Variants in LRRC37A3 observed in about 807,000 individuals in gnomAD.
LRRC37A3 encodes leucine-rich repeat-containing protein 37A3.
Under a neutral mutation model 106.2 loss-of-function variants are expected in LRRC37A3, and 25 were observed. That is an observed-to-expected ratio of 0.24 (90% CI 0.17 to 0.33). LRRC37A3 has a LOEUF of 0.33. LRRC37A3 is among the 10% of genes least tolerant of loss of function. The pLI, the probability that LRRC37A3 is intolerant of heterozygous loss-of-function variation, is 1.00. For synonymous variants in LRRC37A3, 305 were observed against 635.8 expected, an observed-to-expected ratio of 0.48 and a Z score of 7.83; for missense variants, 712 against 1,644.9, an observed-to-expected ratio of 0.43 and a Z score of 9.81.
rs1972845353 is a variant in LRRC37A3, at chr17:64,860,871, G to A, written c.3275C>T (p.Pro1092Leu). The A allele has an allele frequency of 6.2e-7, 1 of 1,614,152 alleles. No individual in the cohort carries two copies. The highest frequency in any genetic ancestry group is 1.3e-5 in the African/African-American group (1 of 75,034). The part of the protein sequence containing the change: ...STELIIEPEE[P>L]SDSSGINLSG... ...CAAGTTGATGCCACTGCTGTCTGAG[G>A]GCTCCTCCGGCTCAATAATCAGCTC... The change falls in exon 12 of 15, where the codon CCC (proline) becomes CTC (leucine). Residue 1092 changes from proline (P) to leucine (L), a missense_variant. Coordinates refer to ENST00000584306, the MANE Select transcript of LRRC37A3 (RefSeq NM_199340.5).
chr17:64,856,932 C>G (rs1972696545), intron 13 of LRRC37A3, among the ~76,000 whole-genome samples: 1 of 151,796 alleles, frequency 6.6e-6, no homozygotes, highest in South Asian at 2.1e-4. Flanking sequence ...TTACAGTGAG[C>G]TAGATCACAC....
chr17:64,915,677 T>C (rs1437614139), intron 2 of LRRC37A3, among the ~76,000 whole-genome samples: 2 of 152,246 alleles, frequency 1.3e-5, no homozygotes, highest in Admixed American at 6.5e-5. Flanking sequence ...TTAAAACTTA[T>C]GCTCTGGGAA....
intron 12 of LRRC37A3, 136 bp downstream of exon 12, chr17:64,859,306 G>C (rs1465190811): frequency 5.1e-6 from 5 of 978,782 alleles, no homozygotes; most frequent in Non-Finnish European, 7.7e-6. Context: ...CAAAGTGGGA[G>C]ATCACTGTCA....
rs770591125 is a variant in LRRC37A3 at position 64,859,556 on chromosome 17, C to T, written c.4590G>A (p.Gly1530=). The change falls in exon 12 of 15, where the codon GGG becomes GGA. Residue 1530 remains glycine, a synonymous_variant. Coordinates refer to ENST00000584306, the MANE Select transcript of LRRC37A3 (RefSeq NM_199340.5). Reference sequence around the variant, plus strand: ...TCTTGGATGCCTTTACTTCCTGCTGCCCACTGAGAAGCTTCATCAGGTGGC... The same window carrying T: ...TCTTGGATGCCTTTACTTCCTGCTGTCCACTGAGAAGCTTCATCAGGTGGC... ...RTGHLMKLLS[G]QQEVKASKIE... 1.3e-5 allele frequency: 21 copies of T among 1,612,162 alleles called. No homozygotes were observed. Among genetic ancestry groups the T allele is most frequent in the Admixed American group, 1.7e-5 (1 of 59,564 alleles).
intron 10 of LRRC37A3, among the ~76,000 whole-genome samples, chr17:64,866,618 ATATATATATATTTTTTT>A (rs1475088972): frequency 1.6e-4 from 4 of 24,816 alleles, no homozygotes; most frequent in African/African-American, 8.6e-4. Context: ...ATATATATAT[ATATATATATATTTTTTT>A]TTTTTTTTTT....
chr17:64,893,997 G>A (rs1192774374), intron 4 of LRRC37A3, among the ~76,000 whole-genome samples: 1 of 146,280 alleles, frequency 6.8e-6, no homozygotes, highest in East Asian at 1.9e-4. Context: ...TAGCATACTT[G>A]GCCCTGGGTT....
chr17:64,909,473 C>T (rs1293559882), intron 2 of LRRC37A3: 2 of 152,302 alleles, frequency 1.3e-5, no homozygotes, highest in East Asian at 3.9e-4. Flanking sequence ...GTGGAGGTGC[C>T]ACAAAAATCA....
At chr17:64,858,718 C>T (rs1972764246) in intron 13 of LRRC37A3, 61 bp downstream of exon 13, 1 of 1,310,716 alleles carries the variant, frequency 7.6e-7, no homozygotes, top group African/African-American at 1.5e-5. Context: ...AGTTTGTGAG[C>T]TCTGAATCCA....
chr17:64,856,955 G>C (rs1340027683), intron 13 of LRRC37A3, among the ~76,000 whole-genome samples: 1 of 151,752 alleles, frequency 6.6e-6, no homozygotes, highest in Non-Finnish European at 1.5e-5. Flanking sequence ...TTGCTCTCCA[G>C]CCTGGGTGAC....
intron 10 of LRRC37A3, chr17:64,863,344 T>A (rs1972940233): frequency 3.1e-6 from 1 of 326,674 alleles, no homozygotes; most frequent in Admixed American, 4.7e-5. Context: ...GGTAGACTTT[T>A]AAGAAGTCTG....
chr17:64,916,391 G>T (rs565418417), intron 2 of LRRC37A3, among the ~76,000 whole-genome samples: 35 of 152,252 alleles, frequency 2.3e-4, no homozygotes, highest in Admixed American at 5.9e-4. Flanking sequence ...GCGACACAGC[G>T]AGACTCCGTC....
At chr17:64,875,435 A>G (rs982857828) in intron 8 of LRRC37A3, among the ~76,000 whole-genome samples, 3 of 152,242 alleles carry the variant, frequency 2.0e-5, no homozygotes, top group African/African-American at 7.2e-5. Context: ...AAAAACTGAG[A>G]GACTTTGTTG....
At chr17:64,866,628 A>ATATATATATATATAT (rs1491179388) in intron 10 of LRRC37A3, among the ~76,000 whole-genome samples, 1 of 17,870 alleles carries the variant, frequency 5.6e-5, no homozygotes. Context: ...ATATATATAT[A>ATATATATATATATAT]TTTTTTTTTT....
chr17:64,879,268 C>A (rs1046887422), intron 8 of LRRC37A3, among the ~76,000 whole-genome samples: 4 of 152,122 alleles, frequency 2.6e-5, no homozygotes, highest in African/African-American at 7.2e-5. Context: ...TTCTATACAA[C>A]CTTGAGAATA....
intron 10 of LRRC37A3, among the ~76,000 whole-genome samples, chr17:64,864,637 G>A (rs1203519442): frequency 4.0e-5 from 6 of 151,666 alleles, no homozygotes; most frequent in African/African-American, 1.5e-4. Flanking sequence ...AGATTCCATA[G>A]CCAGACTATG....
chr17:64,861,733 G>A (rs1972878301), intron 11 of LRRC37A3, among the ~76,000 whole-genome samples: 1 of 152,126 alleles, frequency 6.6e-6, no homozygotes, highest in East Asian at 1.9e-4. Context: ...CATTACTTGA[G>A]GTCCTAAAAT....
intron 2 of LRRC37A3, chr17:64,909,811 T>C (rs1974544610): frequency 6.6e-6 from 1 of 152,182 alleles, no homozygotes; most frequent in African/African-American, 2.4e-5. Flanking sequence ...GCATGAATTC[T>C]GAAGAAAAAT....
Position 64,897,316 on chromosome 17 carries a change from G to A in LRRC37A3, c.-59C>T. On this transcript the variant is annotated 5_prime_UTR_variant, in exon 4 of 15. Coordinates refer to ENST00000584306, the MANE Select transcript of LRRC37A3 (RefSeq NM_199340.5). ...AGCATGAGTCCCGCCCTGTCTTTAT[G>A]ACACCTTTATTTATGCCACAGATCT... The A allele has an allele frequency of 1.2e-6, 2 of 1,608,632 alleles. No homozygotes were observed. The highest frequency in any genetic ancestry group is 3.4e-5 in the Admixed American group (2 of 59,684).
At chr17:64,874,458 C>A (rs1299918105) in intron 8 of LRRC37A3, among the ~76,000 whole-genome samples, 4 of 151,686 alleles carry the variant, frequency 2.6e-5, no homozygotes, top group African/African-American at 9.7e-5. Flanking sequence ...CGGCCAGCCG[C>A]CCCATCCGGG....
Sources: gnomAD v4.1 joint callset for allele counts (sites outside exome capture counted in the v4.1 genomes callset) on GRCh38, gnomAD v4.1.1 for gene constraint, MANE v1.5 for transcripts, NCBI Gene and HGNC (gene_info 2026-07-23, HGNC 2026-07-21) for gene names.